Variants in TMEM245 observed in about 807,000 individuals in gnomAD.
The protein encoded by TMEM245 is transmembrane protein 245.
A neutral mutation model predicts 101.2 loss-of-function variants in TMEM245; 69 were observed. That is an observed-to-expected ratio of 0.68 (90% CI 0.56 to 0.83). The LOEUF is 0.83. Ranked by LOEUF, TMEM245 falls within the 40% of genes least tolerant of loss-of-function variation. TMEM245 has a pLI of 0.00. For missense variants in TMEM245, 1,075 were observed against 1,092.8 expected, an observed-to-expected ratio of 0.98 and a Z score of 0.23; for synonymous variants, 537 against 449.8, an observed-to-expected ratio of 1.19 and a Z score of -2.45.
chr9:109,081,261 C>T (rs150707851), intron 7 of TMEM245, among the ~76,000 whole-genome samples: 131 of 152,156 alleles, frequency 8.6e-4, no homozygotes, highest in Non-Finnish European at 1.6e-3. Context: ...GTATTCTAAA[C>T]AAAATATTGA....
intron 1 of TMEM245, among the ~76,000 whole-genome samples, chr9:109,114,497 G>A (rs1484644383): frequency 2.0e-5 from 3 of 151,696 alleles, no homozygotes; most frequent in Non-Finnish European, 4.4e-5. Flanking sequence ...TCCCAGAGGA[G>A]GGCCCTGGTC....
At chr9:109,071,702 C>T (rs1200735693) in intron 9 of TMEM245, among the ~76,000 whole-genome samples, 3 of 151,960 alleles carry the variant, frequency 2.0e-5, no homozygotes, top group East Asian at 1.9e-4. Context: ...AAAAAATCAA[C>T]TTAAATCTCA....
At chr9:109,064,400 T>C (rs1349850541) in intron 10 of TMEM245, 77 bp downstream of exon 10, 3 of 1,281,196 alleles carry the variant, frequency 2.3e-6, no homozygotes, top group Non-Finnish European at 3.3e-6. Flanking sequence ...TTTCTACTTA[T>C]GTTTTATCAA....
In TMEM245 at chr9:109,105,795, G is replaced by A. The variant is rs147624350; in HGVS notation, c.799+713C>T. Reference sequence around the variant, plus strand: ...GTATGCCTGTTTTTTTTTTTGAGACGGAGTCTCGCTCTGTTGCCAGGCTGG... The same window carrying A: ...GTATGCCTGTTTTTTTTTTTGAGACAGAGTCTCGCTCTGTTGCCAGGCTGG... On this transcript the variant is annotated intron_variant, in intron 3 of 17. Transcript: ENST00000374586. 2.1e-3 allele frequency among the ~76,000 whole-genome samples: 317 copies of A among 151,864 alleles called. 3 individuals are homozygous for A. Among genetic ancestry groups the A allele is most frequent in the African/African-American group, 6.7e-3 (276 of 41,414 alleles).
rs755294688 is a variant in TMEM245, at chr9:109,017,303, G to A, written c.*3157C>T. 1 of 152,230 alleles carries A rather than the reference G, an allele frequency of 6.6e-6. No homozygotes were observed. The highest frequency in any genetic ancestry group is 1.5e-5 in the Non-Finnish European group (1 of 68,054). 9.4% of individuals were successfully genotyped at this position (152,230 alleles called of 1,614,324 possible). On this transcript the variant is annotated 3_prime_UTR_variant, in exon 18 of 18. Transcript: ENST00000374586. ...CATGGGCCAACCCACACTAGACTCA[G>A]AAGTCAAGGGAAAGCTCTGCCAGCT...
At chr9:109,067,235 G>T (rs1221695382) in intron 9 of TMEM245, among the ~76,000 whole-genome samples, 1 of 152,164 alleles carries the variant, frequency 6.6e-6, no homozygotes, top group African/African-American at 2.4e-5. Flanking sequence ...TTGGGGACAA[G>T]GTAGAGGTAC....
intron 3 of TMEM245, among the ~76,000 whole-genome samples, chr9:109,099,565 G>C (rs1188175787): frequency 6.6e-6 from 1 of 152,084 alleles, no homozygotes; most frequent in African/African-American, 2.4e-5. Context: ...TATACTCAGA[G>C]AAAATGGCTC....
At chr9:109,073,935 G>A (rs1482256755) in intron 8 of TMEM245, among the ~76,000 whole-genome samples, 1 of 144,938 alleles carries the variant, frequency 6.9e-6, no homozygotes, top group African/African-American at 2.6e-5. Flanking sequence ...ATCTCAGCTC[G>A]ATATAACCTC....
At chr9:109,029,236 A>G (rs1460804016) in intron 17 of TMEM245, among the ~76,000 whole-genome samples, 1 of 152,208 alleles carries the variant, frequency 6.6e-6, no homozygotes, top group Admixed American at 6.5e-5. Flanking sequence ...CATGAGGGTC[A>G]AAGTCAAAAT....
At chr9:109,105,204 A>G (rs921807216) in intron 3 of TMEM245, among the ~76,000 whole-genome samples, 1 of 152,244 alleles carries the variant, frequency 6.6e-6, no homozygotes, top group African/African-American at 2.4e-5. Flanking sequence ...ATTTGAATAG[A>G]CATTTCTCCA....
intron 10 of TMEM245, among the ~76,000 whole-genome samples, chr9:109,061,089 G>A (rs1339338110): frequency 1.3e-5 from 2 of 152,158 alleles, no homozygotes; most frequent in Non-Finnish European, 2.9e-5. Context: ...GCTGAGGTGG[G>A]CAGATCGCTT....
At chr9:109,110,964 G>C (rs1336665531) in intron 1 of TMEM245, among the ~76,000 whole-genome samples, 1 of 152,202 alleles carries the variant, frequency 6.6e-6, no homozygotes, top group East Asian at 1.9e-4. Flanking sequence ...TCGTATCAGG[G>C]AAAGTGATTG....
chr9:109,078,097 T>G (rs7863068), intron 8 of TMEM245, among the ~76,000 whole-genome samples: 20,325 of 152,174 alleles, frequency 0.13, 1,597 homozygotes, highest in African/African-American at 0.19. Flanking sequence ...AAATCTTATC[T>G]CATCTTTTAA....
chr9:109,112,272 G>A (rs1259402816), intron 1 of TMEM245, among the ~76,000 whole-genome samples: 1 of 152,150 alleles, frequency 6.6e-6, no homozygotes, highest in Non-Finnish European at 1.5e-5. Context: ...CCAGGGCAGT[G>A]GCTCACACCT....
At chr9:109,061,518 A>T (rs1050642993) in intron 10 of TMEM245, among the ~76,000 whole-genome samples, 5 of 152,094 alleles carry the variant, frequency 3.3e-5, no homozygotes, top group African/African-American at 9.7e-5. Flanking sequence ...ATATTAATTC[A>T]TTACGTTCTG....
chr9:109,082,159 C>T (rs964078052), intron 7 of TMEM245, among the ~76,000 whole-genome samples: 16 of 152,162 alleles, frequency 1.1e-4, no homozygotes, highest in Admixed American at 9.2e-4. Context: ...TTTCACTTGA[C>T]GTTTATAAGC....
chr9:109,054,116 A>G (rs1474208430), intron 12 of TMEM245, among the ~76,000 whole-genome samples: 1 of 152,204 alleles, frequency 6.6e-6, no homozygotes, highest in Non-Finnish European at 1.5e-5. Flanking sequence ...GAACAGCTTG[A>G]GCTCAGGAGC....
At chr9:109,112,392 T>C (rs1425401574) in intron 1 of TMEM245, among the ~76,000 whole-genome samples, 1 of 151,716 alleles carries the variant, frequency 6.6e-6, no homozygotes, top group Non-Finnish European at 1.5e-5. Flanking sequence ...AATACAAAAA[T>C]TAACCAGGTA....
chr9:109,077,083 T>C (rs1490586891), intron 8 of TMEM245, among the ~76,000 whole-genome samples: 1 of 150,934 alleles, frequency 6.6e-6, no homozygotes, highest in Non-Finnish European at 1.5e-5. Flanking sequence ...TATAATATTA[T>C]ATATATAATA....
Sources: gnomAD v4.1 joint callset for allele counts (sites outside exome capture counted in the v4.1 genomes callset) on GRCh38, gnomAD v4.1.1 for gene constraint, MANE v1.5 for transcripts, NCBI Gene and HGNC (gene_info 2026-07-23, HGNC 2026-07-21) for gene names.